MAGI2: variants seen among roughly 807,000 people sequenced by gnomAD.
The protein encoded by MAGI2 is membrane-associated guanylate kinase, WW and PDZ domain-containing protein 2.
MAGI2 carries 35 observed loss-of-function variants against 133.3 expected under a neutral mutation model. The observed-to-expected ratio is 0.26, with a 90% CI of 0.20 to 0.35. The LOEUF is 0.35. Among genes scored for constraint, MAGI2 ranks in the 10% least tolerant of loss-of-function variants. The pLI is 1.00. For synonymous variants in MAGI2, 729 were observed against 710.6 expected (o/e 1.03, Z -0.41); for missense variants, 1,636 against 1,863.4 (o/e 0.88, Z 2.25).
intron 1 of MAGI2, among the ~76,000 whole-genome samples, chr7:79,387,242 A>G (rs1844256023): frequency 6.6e-6 from 1 of 151,860 alleles, no homozygotes; most frequent in Non-Finnish European, 1.5e-5. Flanking sequence ...TCTTTACATC[A>G]GTGGGATTTC....
At chr7:78,191,035 A>G (rs1249581896) in intron 12 of MAGI2, among the ~76,000 whole-genome samples, 5 of 152,192 alleles carry the variant, frequency 3.3e-5, no homozygotes, top group East Asian at 1.9e-4. Context: ...TTTGGTAGAG[A>G]TGGAAGTTGG....
intron 9 of MAGI2, among the ~76,000 whole-genome samples, chr7:78,271,504 G>T (rs1005229234): frequency 6.6e-6 from 1 of 152,102 alleles, no homozygotes; most frequent in Non-Finnish European, 1.5e-5. Flanking sequence ...TTTTTCTGTT[G>T]TTTGGGATAG....
chr7:78,425,692 A>G (rs1324392122), intron 6 of MAGI2, among the ~76,000 whole-genome samples: 1 of 152,192 alleles, frequency 6.6e-6, no homozygotes, highest in African/African-American at 2.4e-5. Flanking sequence ...CTCAGTCAGA[A>G]TGGAGAAACC....
chr7:78,176,908 G>GACTCTCTCACACACAC (rs781171770), intron 14 of MAGI2, among the ~76,000 whole-genome samples: 1 of 130,432 alleles, frequency 7.7e-6, no homozygotes, highest in African/African-American at 2.9e-5. Context: ...ACCATATATA[G>GACTCTCTCACACACAC]ACACACACAC....
chr7:78,294,265 G>A (rs1026028220), intron 9 of MAGI2, among the ~76,000 whole-genome samples: 33 of 151,990 alleles, frequency 2.2e-4, no homozygotes, highest in African/African-American at 7.3e-4. Flanking sequence ...ATGGCACATT[G>A]GATGTAAAAT....
intron 1 of MAGI2, among the ~76,000 whole-genome samples, chr7:79,262,970 T>C (rs1428448291): frequency 6.6e-6 from 1 of 152,190 alleles, no homozygotes; most frequent in African/African-American, 2.4e-5. Context: ...CTGTCTGCCA[T>C]TGATGTAGCA....
chr7:78,899,174 T>C (rs1250651886), intron 2 of MAGI2, among the ~76,000 whole-genome samples: 1 of 152,152 alleles, frequency 6.6e-6, no homozygotes, highest in Admixed American at 6.5e-5. Flanking sequence ...ATGACACTTT[T>C]TAATATTTTC....
At chr7:78,130,466 G>A (rs1821452510) in intron 18 of MAGI2, among the ~76,000 whole-genome samples, 1 of 152,170 alleles carries the variant, frequency 6.6e-6, no homozygotes, top group Non-Finnish European at 1.5e-5. Flanking sequence ...CATATAAACT[G>A]TCTTAGAGAC....
chr7:78,781,444 A>T (rs937899691), intron 2 of MAGI2, among the ~76,000 whole-genome samples: 1 of 152,036 alleles, frequency 6.6e-6, no homozygotes, highest in Non-Finnish European at 1.5e-5. Flanking sequence ...TATGTAAAAA[A>T]AATTTGCATA....
chr7:78,534,961 C>T (rs1342657393), intron 3 of MAGI2, among the ~76,000 whole-genome samples: 13 of 151,986 alleles, frequency 8.6e-5, no homozygotes, highest in East Asian at 3.9e-4. Context: ...GGTGAAACCC[C>T]GTCTCTACTA....
chr7:79,317,791 G>A (rs1005024829), intron 1 of MAGI2, among the ~76,000 whole-genome samples: 25 of 152,170 alleles, frequency 1.6e-4, no homozygotes, highest in African/African-American at 5.8e-4. Flanking sequence ...TTGCCATGAA[G>A]GCTTCTTGGG....
intron 1 of MAGI2, among the ~76,000 whole-genome samples, chr7:79,261,156 A>G (rs983235111): frequency 1.3e-5 from 2 of 152,212 alleles, no homozygotes; most frequent in African/African-American, 4.8e-5. Context: ...GAGGTTAATC[A>G]ACAACCAAAT....
At chr7:78,089,055 G>A (rs1023475310) in intron 20 of MAGI2, among the ~76,000 whole-genome samples, 4 of 152,184 alleles carry the variant, frequency 2.6e-5, no homozygotes, top group Admixed American at 1.3e-4. Context: ...AAAAGGAAAC[G>A]AAATGGGTTC....
chr7:79,063,064 T>C (rs1813928001), intron 1 of MAGI2, among the ~76,000 whole-genome samples: 1 of 152,134 alleles, frequency 6.6e-6, no homozygotes, highest in Admixed American at 6.6e-5. Flanking sequence ...AAATCTAAAA[T>C]TCAAAAGTAA....
At chr7:79,181,240 G>A (rs1382948812) in intron 1 of MAGI2, among the ~76,000 whole-genome samples, 1 of 151,970 alleles carries the variant, frequency 6.6e-6, no homozygotes, top group Non-Finnish European at 1.5e-5. Flanking sequence ...TGCCCTAGAA[G>A]AGGGTCTCCA....
At chr7:78,177,945 T>C in intron 14 of MAGI2, 66 bp downstream of exon 14, 1 of 1,128,306 alleles carries the variant, frequency 8.9e-7, no homozygotes, top group Admixed American at 1.7e-5. Context: ...CACTAAACAC[T>C]ATTTTCCCTG....
At chr7:79,319,391 T>C (rs1238245281) in intron 1 of MAGI2, among the ~76,000 whole-genome samples, 4 of 152,194 alleles carry the variant, frequency 2.6e-5, no homozygotes, top group Non-Finnish European at 5.9e-5. Context: ...TCTTCTTTAG[T>C]AATAGAATCC....
intron 3 of MAGI2, among the ~76,000 whole-genome samples, chr7:78,606,191 G>A (rs1223936917): frequency 6.6e-6 from 1 of 152,150 alleles, no homozygotes; most frequent in African/African-American, 2.4e-5. Flanking sequence ...AAGGTCATGT[G>A]CTCAGTTGAA....
chr7:79,261,019 C>T (rs78561805), intron 1 of MAGI2, among the ~76,000 whole-genome samples: 2,992 of 152,258 alleles, frequency 0.02, 116 homozygotes, highest in African/African-American at 0.068. Flanking sequence ...AAACAATAAA[C>T]AGGCAGAAGT....
Sources: allele counts gnomAD v4.1 joint callset (sites outside exome capture counted in the v4.1 genomes callset), GRCh38; gene constraint gnomAD v4.1.1; transcripts MANE v1.5; gene names NCBI Gene and HGNC (gene_info 2026-07-23, HGNC 2026-07-21).